The following HORMAD2 variants were observed in gnomAD, a reference collection of about 807,000 sequenced individuals.
The protein encoded by HORMAD2 is HORMA domain-containing protein 2.
HORMAD2 carries 45 observed loss-of-function variants against 38.8 expected under a neutral mutation model. The observed-to-expected ratio is 1.16, with a 90% CI of 0.91 to 1.49. HORMAD2 has a LOEUF of 1.49. HORMAD2 is among the 40% of genes most tolerant of loss of function. HORMAD2 has a pLI of 0.00. For missense variants in HORMAD2, 338 were observed against 367.0 expected, an observed-to-expected ratio of 0.92 and a Z score of 0.65; for synonymous variants, 126 against 122.8, an observed-to-expected ratio of 1.03 and a Z score of -0.17.
At chr22:30,158,170 G>T (rs1463792368) in intron 10 of HORMAD2, among the ~76,000 whole-genome samples, 8 of 151,790 alleles carry the variant, frequency 5.3e-5, no homozygotes, top group Non-Finnish European at 1.5e-5. Flanking sequence ...TCTCTCAGTG[G>T]AAATCCCCAG....
In HORMAD2 at chr22:30,121,951, T is replaced by C. The variant is rs556300456; in HGVS notation, c.569-13T>C. ...CTCAGTTTTCATGGCTTTTTGCCCT[T>C]TTCATTTCGCAGTGACCCCACATGA... On this transcript the variant is annotated splice_polypyrimidine_tract_variant and intron_variant, in intron 9 of 10. Coordinates refer to ENST00000336726, the MANE Select transcript of HORMAD2 (RefSeq NM_152510.4). The C allele has an allele frequency of 2.7e-5, 43 of 1,604,946 alleles. No homozygotes were observed. Among genetic ancestry groups the C allele is most frequent in the East Asian group, 2.5e-4 (11 of 44,770 alleles).
chr22:30,089,411 G>A (rs1569080381), intron 1 of HORMAD2, among the ~76,000 whole-genome samples: 1 of 149,798 alleles, frequency 6.7e-6, no homozygotes. Flanking sequence ...GGAGTGCAGT[G>A]GCGCAATCTT....
intron 10 of HORMAD2, among the ~76,000 whole-genome samples, chr22:30,125,211 C>CTTTTTTTTTTTTTTTTTTTTTT (rs1569099734): frequency 2.1e-5 from 1 of 46,592 alleles, no homozygotes; most frequent in Non-Finnish European, 4.2e-5. Context: ...CTTTCTTTTT[C>CTTTTTTTTTTTTTTTTTTTTTT]TTTTCTTTTT....
At chr22:30,082,549 G>C (rs528163337) in intron 1 of HORMAD2, among the ~76,000 whole-genome samples, 8 of 152,020 alleles carry the variant, frequency 5.3e-5, no homozygotes, top group African/African-American at 1.4e-4. Flanking sequence ...CCAAAACTTT[G>C]AGAGGCCAAG....
intron 10 of HORMAD2, 97 bp downstream of exon 10, chr22:30,122,311 A>G (rs1188373609): frequency 1.7e-6 from 2 of 1,177,228 alleles, no homozygotes; most frequent in Non-Finnish European, 2.3e-6. Flanking sequence ...TGTGCCAGCT[A>G]TAAAAACTGA....
At chr22:30,148,884 A>T (rs1415344864) in intron 10 of HORMAD2, among the ~76,000 whole-genome samples, 1 of 152,282 alleles carries the variant, frequency 6.6e-6, no homozygotes, top group South Asian at 2.1e-4. Context: ...GGGTGCCTGT[A>T]GTCCCAACTA....
chr22:30,134,397 A>T (rs980587714), intron 10 of HORMAD2, among the ~76,000 whole-genome samples: 6 of 147,706 alleles, frequency 4.1e-5, no homozygotes, highest in Non-Finnish European at 7.4e-5. Flanking sequence ...TTATATATAT[A>T]TAATCATAAA....
At chr22:30,142,613 C>T (rs1011919472) in intron 10 of HORMAD2, among the ~76,000 whole-genome samples, 1 of 151,858 alleles carries the variant, frequency 6.6e-6, no homozygotes, top group East Asian at 1.9e-4. Flanking sequence ...CCCAAATGCC[C>T]CTTATTATCT....
the HORMAD2 span, among the ~76,000 whole-genome samples, chr22:30,204,659 T>C: frequency 0.033 from 5,028 of 152,296 alleles, 164 homozygotes; most frequent in East Asian, 0.11. Flanking sequence ...CCAAGGCATT[T>C]CCAGGGGTCT....
At chr22:30,179,633 T>C (rs1926618545), downstream of HORMAD2, among the ~76,000 whole-genome samples, 1 of 152,200 alleles carries the variant, frequency 6.6e-6, no homozygotes, top group African/African-American at 2.4e-5. Flanking sequence ...ATTAGAGTTT[T>C]GCCGTCTGGG....
At chr22:30,156,885 A>G (rs16988335) in intron 10 of HORMAD2, among the ~76,000 whole-genome samples, 1,829 of 152,304 alleles carry the variant, frequency 0.012, 31 homozygotes, top group African/African-American at 0.041. Context: ...TTTGCCTCCA[A>G]ACCTCTTCAA....
the HORMAD2 span, among the ~76,000 whole-genome samples, chr22:30,204,981 C>T: frequency 6.6e-6 from 1 of 152,160 alleles, no homozygotes; most frequent in South Asian, 2.1e-4. Context: ...CTCCTGGAGC[C>T]GGCCCGGGGT....
chr22:30,110,325 T>C (rs1377987825), intron 5 of HORMAD2, among the ~76,000 whole-genome samples: 1 of 151,104 alleles, frequency 6.6e-6, no homozygotes, highest in East Asian at 1.9e-4. Context: ...AGTTTTCAGA[T>C]ATCTAGGAAA....
intron 7 of HORMAD2, among the ~76,000 whole-genome samples, chr22:30,118,066 T>C (rs1457199796): frequency 1.3e-5 from 2 of 152,184 alleles, no homozygotes; most frequent in Admixed American, 6.5e-5. Flanking sequence ...TTTTTATTTC[T>C]TCCCCTCTGC....
At chr22:30,193,432 G>A in the HORMAD2 span, among the ~76,000 whole-genome samples, 2 of 152,282 alleles carry the variant, frequency 1.3e-5, no homozygotes, top group Admixed American at 6.5e-5. Context: ...ACCAGAAAAA[G>A]TAAACATATA....
At chr22:30,090,837 A>G (rs2412970) in intron 1 of HORMAD2, among the ~76,000 whole-genome samples, 83,168 of 152,108 alleles carry the variant, frequency 0.55, 23,651 homozygotes, top group African/African-American at 0.69. Context: ...ATATTCATCA[A>G]TTCAAACATT....
rs1601507947 is a variant in HORMAD2, at chr22:30,094,085, GT to G, written c.51+87del. ...TATGATTTTAATCTTTTGTGTGTGT[GT>G]TTTTAAGCAGCAGTTTTATCAGTTA... On this transcript the variant is annotated intron_variant, in intron 2 of 10. Transcript: ENST00000336726. 24 of 1,018,944 alleles carry G rather than the reference GT, an allele frequency of 2.4e-5. No individual in the cohort carries two copies. In the East Asian group the frequency reaches 6.4e-4, roughly 27 times the overall value. The allele number at this position is 1,018,944 out of a possible 1,614,324, so 63.1% of individuals were successfully genotyped here. A position where few individuals can be genotyped will look rare whatever the true frequency, so the allele number is the denominator to read the frequency against.
chr22:30,096,428 C>T (rs1329997429), intron 2 of HORMAD2, among the ~76,000 whole-genome samples: 1 of 151,800 alleles, frequency 6.6e-6, no homozygotes, highest in Non-Finnish European at 1.5e-5. Context: ...TATTCTACAT[C>T]CTTTTTAAAA....
chr22:30,144,827 C>G (rs1280028163), intron 10 of HORMAD2, among the ~76,000 whole-genome samples: 2 of 152,018 alleles, frequency 1.3e-5, no homozygotes, highest in Admixed American at 6.6e-5. Context: ...CACCATGAGC[C>G]CCCACCTCAT....
Sources: gnomAD v4.1 joint callset for allele counts (sites outside exome capture counted in the v4.1 genomes callset) on GRCh38, gnomAD v4.1.1 for gene constraint, MANE v1.5 for transcripts, NCBI Gene and HGNC (gene_info 2026-07-23, HGNC 2026-07-21) for gene names.